The following MON2 variants were observed in gnomAD, a reference collection of about 807,000 sequenced individuals.
MON2 encodes the protein MON2 regulator of endosome-to-Golgi trafficking.
In MON2, 84 loss-of-function variants were observed where a neutral mutation model predicts 208.6. The observed-to-expected ratio is 0.40, with a 90% CI of 0.34 to 0.48. The LOEUF is 0.48. Among genes scored for constraint, MON2 ranks in the 20% least tolerant of loss-of-function variants. The probability of loss-of-function intolerance (pLI) is 0.59; values close to 1 mark genes in which losing one functional copy is unlikely to be tolerated. For synonymous variants in MON2, 660 were observed against 694.0 expected (o/e 0.95, Z 0.77); for missense variants, 1,611 against 2,015.4 (o/e 0.80, Z 3.84).
chr12:62,518,377 C>G (rs2071811836), intron 8 of MON2, among the ~76,000 whole-genome samples: 1 of 152,166 alleles, frequency 6.6e-6, no homozygotes, highest in African/African-American at 2.4e-5. Context: ...AGTTTTATAG[C>G]TGAGAAAATG....
intron 8 of MON2, among the ~76,000 whole-genome samples, chr12:62,523,527 T>C (rs925351884): frequency 6.6e-6 from 1 of 152,170 alleles, no homozygotes; most frequent in Non-Finnish European, 1.5e-5. Context: ...TTTTAGTTAT[T>C]CCTCCTACTG....
intron 8 of MON2, 86 bp from the exon 9 acceptor site, chr12:62,524,429 C>T: frequency 2.8e-6 from 3 of 1,080,092 alleles, no homozygotes; most frequent in Non-Finnish European, 4.1e-6. Flanking sequence ...TTGGTTTGTC[C>T]ATAGCACTAA....
At chr12:62,496,204 A>G (rs898691002) in intron 4 of MON2, among the ~76,000 whole-genome samples, 3 of 152,092 alleles carry the variant, frequency 2.0e-5, no homozygotes, top group East Asian at 3.9e-4. Flanking sequence ...TATAAATATT[A>G]TATATATTTT....
chr12:62,556,315 C>T, intron 25 of MON2, 123 bp downstream of exon 25: 1 of 965,890 alleles, frequency 1.0e-6, no homozygotes, highest in Non-Finnish European at 1.5e-6. Flanking sequence ...GTGTAAGCAT[C>T]TGTGTTTTCA....
At chr12:62,492,592 C>T (rs111360324) in intron 2 of MON2, among the ~76,000 whole-genome samples, 1 of 146,468 alleles carries the variant, frequency 6.8e-6, no homozygotes, top group Admixed American at 6.7e-5. Context: ...AGGATGGTCT[C>T]GATCTCCTGA....
intron 31 of MON2, among the ~76,000 whole-genome samples, chr12:62,580,064 T>A (rs2074947587): frequency 6.6e-6 from 1 of 152,190 alleles, no homozygotes; most frequent in African/African-American, 2.4e-5. Context: ...TCCAAATGGT[T>A]GGCATAGTAA....
chr12:62,489,685 A>C (rs776043066), intron 2 of MON2, among the ~76,000 whole-genome samples: 3 of 152,090 alleles, frequency 2.0e-5, no homozygotes, highest in Non-Finnish European at 4.4e-5. Flanking sequence ...CAAAATTACT[A>C]ACCAATTGAA....
At chr12:62,534,959 G>C (rs113079969) in intron 13 of MON2, 33 bp downstream of exon 13, 1 of 1,363,716 alleles carries the variant, frequency 7.3e-7, no homozygotes, top group Non-Finnish European at 9.8e-7. Context: ...ATATTGAACT[G>C]TGTCAGTTAA....
chr12:62,492,388 G>A (rs544956915), intron 2 of MON2, among the ~76,000 whole-genome samples: 2 of 113,924 alleles, frequency 1.8e-5, no homozygotes, highest in South Asian at 2.7e-4. Context: ...TTTTTGAGAC[G>A]GAGTCTCGCT....
intron 8 of MON2, among the ~76,000 whole-genome samples, chr12:62,514,086 A>G (rs1259865195): frequency 1.3e-5 from 2 of 151,954 alleles, no homozygotes; most frequent in African/African-American, 4.8e-5. Context: ...ACATAACAAG[A>G]GTCACCTTTA....
Position 62,566,331 on chromosome 12 carries a change from G to A in MON2, c.4204G>A (p.Val1402Ile). 3.7e-6 allele frequency: 6 copies of A among 1,610,352 alleles called. No homozygotes were observed. Among genetic ancestry groups the A allele is most frequent in the Non-Finnish European group, 4.2e-6 (5 of 1,178,864 alleles). ...AAATATTACTTTCTAGGCGGAATGG[G>A]TAGCCTTGAATTATGTGCCGTTTGC... The part of the protein sequence containing the change: ...QIQLFAPAEW[V>I]ALNYVPFAER... Residue 1402 changes from valine to isoleucine, a missense_variant, in exon 29 of 35, where the codon GTA (valine) becomes ATA (isoleucine). Coordinates refer to ENST00000393630, the MANE Select transcript of MON2 (RefSeq NM_015026.3).
At chr12:62,570,155 T>C (rs768112750) in intron 29 of MON2, among the ~76,000 whole-genome samples, 19 of 152,140 alleles carry the variant, frequency 1.2e-4, no homozygotes, top group Non-Finnish European at 2.6e-4. Flanking sequence ...TTAGTTCTTT[T>C]AATAAATAAA....
At chr12:62,547,705 C>T (rs2073553434) in intron 22 of MON2, among the ~76,000 whole-genome samples, 1 of 152,190 alleles carries the variant, frequency 6.6e-6, no homozygotes, top group East Asian at 1.9e-4. Flanking sequence ...GATGGAGGTC[C>T]CATAAGATTT....
chr12:62,553,910 A>G (rs2073856760), intron 24 of MON2, among the ~76,000 whole-genome samples: 1 of 152,178 alleles, frequency 6.6e-6, no homozygotes. Flanking sequence ...TGGGCTGGGC[A>G]TGGTGACTGA....
chr12:62,492,250 A>G (rs2070183834), intron 2 of MON2, among the ~76,000 whole-genome samples: 1 of 152,154 alleles, frequency 6.6e-6, no homozygotes, highest in Non-Finnish European at 1.5e-5. Flanking sequence ...TACATTTTTA[A>G]TGGTGATTCT....
Position 62,571,367 on chromosome 12 carries a change from TATATTA to T in MON2, c.4324-23_4324-18del. The T allele has an allele frequency of 6.9e-7, 1 of 1,454,634 alleles. No individual in the cohort carries two copies. Among genetic ancestry groups the T allele is most frequent in the Non-Finnish European group, 9.3e-7 (1 of 1,080,136 alleles). The allele number at this position is 1,454,634 out of a possible 1,614,324, so 90.1% of individuals were successfully genotyped here. ...GTGTGTGTATGTTTTAATTAATGCT[TATATTA>T]AACTGTCTTTATTTTCAGACTCTTA... On this transcript the variant is annotated intron_variant, in intron 29 of 34. Coordinates refer to ENST00000393630, the MANE Select transcript of MON2 (RefSeq NM_015026.3).
intron 4 of MON2, among the ~76,000 whole-genome samples, chr12:62,496,451 T>A (rs1014466674): frequency 6.6e-6 from 1 of 152,172 alleles, no homozygotes; most frequent in Non-Finnish European, 1.5e-5. Flanking sequence ...TATATAACTA[T>A]GTACTGTGTC....
chr12:62,578,454 A>G lies in MON2; in HGVS notation c.4524A>G (p.Pro1508=). 1.4e-6 allele frequency: 2 copies of G among 1,439,750 alleles called. No homozygotes were observed. Among genetic ancestry groups the G allele is most frequent in the Non-Finnish European group, 1.9e-6 (2 of 1,049,986 alleles). 89.2% of individuals were successfully genotyped at this position (1,439,750 alleles called of 1,614,324 possible). Residue 1508 remains proline (P), a synonymous_variant, in exon 31 of 35, where the codon CCA becomes CCG. Coordinates refer to ENST00000393630, the MANE Select transcript of MON2 (RefSeq NM_015026.3). ...EDFLFTKSIP[P]DNLSIQEFQR... is the part of the protein sequence containing the mutation. The stretch of plus-strand genomic sequence containing the variant: ...TGTTTTTTTTTTTTAGCATACCTCC[A>G]GATAATCTCTCTATTCAAGAGTTTC...
intron 11 of MON2, among the ~76,000 whole-genome samples, chr12:62,527,613 G>A (rs1449634148): frequency 6.6e-6 from 1 of 152,030 alleles, no homozygotes; most frequent in East Asian, 1.9e-4. Flanking sequence ...AACCAACACA[G>A]AAGAAAATTT....
Sources: allele counts gnomAD v4.1 joint callset (sites outside exome capture counted in the v4.1 genomes callset), GRCh38; gene constraint gnomAD v4.1.1; transcripts MANE v1.5; gene names NCBI Gene and HGNC (gene_info 2026-07-23, HGNC 2026-07-21).